The following TMEM168 variants were observed in gnomAD, a reference collection of about 807,000 sequenced individuals.
TMEM168 encodes transmembrane protein 168.
In TMEM168, 40 loss-of-function variants were observed where a neutral mutation model predicts 53.2. The ratio of observed to expected loss-of-function variants is 0.75; its 90% CI spans 0.58 to 0.98. The LOEUF (loss-of-function observed/expected upper bound fraction) is 0.98, where lower values mean the gene tolerates loss of function less well. Ranked by LOEUF, TMEM168 falls within the 50% of genes least tolerant of loss-of-function variation. The pLI, the probability that TMEM168 is intolerant of heterozygous loss-of-function variation, is 0.00. For missense variants in TMEM168, 771 were observed against 828.8 expected, an observed-to-expected ratio of 0.93 and a Z score of 0.86; for synonymous variants, 282 against 293.0, an observed-to-expected ratio of 0.96 and a Z score of 0.38.
At chr7:112,769,300 A>AT (rs1366758719) in intron 4 of TMEM168, among the ~76,000 whole-genome samples, 1 of 152,208 alleles carries the variant, frequency 6.6e-6, no homozygotes, top group Non-Finnish European at 1.5e-5. Context: ...TTGTCTCCAC[A>AT]TATTACTAAT....
intron 2 of TMEM168, among the ~76,000 whole-genome samples, chr7:112,776,021 G>A (rs1793072881): frequency 6.6e-6 from 1 of 151,524 alleles, no homozygotes; most frequent in Non-Finnish European, 1.5e-5. Flanking sequence ...ACTCATTTAA[G>A]TGAAAAGAAA....
Position 112,775,167 on chromosome 7 carries a change from T to C in TMEM168, c.1271+9A>G, listed in dbSNP as rs1227440055. The C allele has an allele frequency of 6.2e-7, 1 of 1,601,642 alleles. No individual in the cohort carries two copies. ...AATAGTTATCACTAACTATACTAGATTACTGTACCTGCAGAAGTTGGTGGG... is the reference window on the plus strand; with the variant it reads ...AATAGTTATCACTAACTATACTAGACTACTGTACCTGCAGAAGTTGGTGGG... On this transcript the variant is annotated intron_variant, in intron 3 of 4. Transcript: ENST00000312814.
chr7:112,765,720 TTAAA>T lies in TMEM168; in HGVS notation c.*1473_*1476del, dbSNP rs201985114. On this transcript the variant is annotated 3_prime_UTR_variant, in exon 5 of 5. Coordinates refer to ENST00000312814, the MANE Select transcript of TMEM168 (RefSeq NM_022484.6). ...TAAAATATTCAATATTTGCACATCA[TTAAA>T]TAAAAAATTAATTTTTAACAAAATT... 8.3e-4 allele frequency: 126 copies of T among 152,700 alleles called. No homozygotes were observed. Among genetic ancestry groups the T allele is most frequent in the African/African-American group, 2.9e-3 (122 of 41,578 alleles). 9.5% of individuals were successfully genotyped at this position (152,700 alleles called of 1,614,324 possible).
In TMEM168 at chr7:112,773,727, T is replaced by G. The variant is rs139890037; in HGVS notation, c.1272-672A>C. Among the ~76,000 whole-genome samples, 609 of 152,182 alleles carry G rather than the reference T, an allele frequency of 4.0e-3. 2 individuals are homozygous for G. The highest frequency in any genetic ancestry group is 6.9e-3 in the Non-Finnish European group (471 of 67,950). On this transcript the variant is annotated intron_variant, in intron 3 of 4. Coordinates refer to ENST00000312814, the MANE Select transcript of TMEM168 (RefSeq NM_022484.6). ...ATAACTAGCAAAATACCATTAATAT[T>G]GAGAAAGAAAAAATCATCATTCCTA...
At chr7:112,773,904 C>T (rs1224366723) in intron 3 of TMEM168, among the ~76,000 whole-genome samples, 1 of 152,090 alleles carries the variant, frequency 6.6e-6, no homozygotes, top group Non-Finnish European at 1.5e-5. Flanking sequence ...TCTAACTGTG[C>T]ATATTACTAT....
At position 112,773,670 on chromosome 7, in the gene TMEM168, T is replaced by C. The variant is rs367779740; in HGVS notation, c.1272-615A>G. Among the ~76,000 whole-genome samples, 12 of 152,230 alleles carry C rather than the reference T, an allele frequency of 7.9e-5. No homozygotes were observed. The South Asian group carries it at 2.1e-3, about 26-fold the overall frequency. On this transcript the variant is annotated intron_variant, in intron 3 of 4. Transcript: ENST00000312814. Reference sequence around the variant, plus strand: ...TACTCCTAGAACAAATATAAAATGGTACTCTAGTACAAAGATGATAAAGCA... The same window carrying C: ...TACTCCTAGAACAAATATAAAATGGCACTCTAGTACAAAGATGATAAAGCA...
chr7:112,767,835 ACT>A, intron 4 of TMEM168, 91 bp from the exon 5 acceptor site: 2 of 1,173,428 alleles, frequency 1.7e-6, no homozygotes, highest in Non-Finnish European at 2.4e-6. Flanking sequence ...GAGAGAAAAT[ACT>A]CTTGTTATAC....
Position 112,768,800 on chromosome 7 carries a change from G to T in TMEM168, c.1547-1056C>A, listed in dbSNP as rs564993520. 6.1e-4 allele frequency among the ~76,000 whole-genome samples: 93 copies of T among 151,604 alleles called. 2 individuals are homozygous for T. In the South Asian group the frequency reaches 7.1e-3, roughly 12 times the overall value. ...TATCTTAAGGAAAGAACAGACATAG[G>T]GACAAAAAATTACAAAAAAAGACGA... is the stretch of plus-strand genomic sequence containing the variant. On this transcript the variant is annotated intron_variant, in intron 4 of 4. Transcript: ENST00000312814.
Position 112,767,032 on chromosome 7 carries a change from C to T in TMEM168, c.*165G>A, listed in dbSNP as rs1792797341. The T allele has an allele frequency of 3.0e-6, 2 of 670,976 alleles. No homozygotes were observed. The highest frequency in any genetic ancestry group is 2.8e-5 in the East Asian group (1 of 35,470). The allele number at this position is 670,976 out of a possible 1,614,324, so 41.6% of individuals were successfully genotyped here. On this transcript the variant is annotated 3_prime_UTR_variant, in exon 5 of 5. Coordinates refer to ENST00000312814, the MANE Select transcript of TMEM168 (RefSeq NM_022484.6). ...TACTTTCATTATAAAATGTTTTTTC[C>T]CAACGCCTTATATATACCATAATTA... is the stretch of plus-strand genomic sequence containing the variant.
At chr7:112,773,651 T>G (rs970930880) in intron 3 of TMEM168, among the ~76,000 whole-genome samples, 18 of 152,204 alleles carry the variant, frequency 1.2e-4, no homozygotes, top group African/African-American at 3.8e-4. Context: ...GATTTACTCC[T>G]AGAACAAATA....
At chr7:112,783,159 A>T (rs184031756) in intron 2 of TMEM168, among the ~76,000 whole-genome samples, 4 of 152,362 alleles carry the variant, frequency 2.6e-5, no homozygotes, top group African/African-American at 4.8e-5. Flanking sequence ...TTTCTTTCTT[A>T]GGATAACCTC....
At chr7:112,773,353 A>G (rs1446783847) in intron 3 of TMEM168, among the ~76,000 whole-genome samples, 1 of 152,144 alleles carries the variant, frequency 6.6e-6, no homozygotes, top group Non-Finnish European at 1.5e-5. Flanking sequence ...TTCTTACATG[A>G]CAAATATTGG....
rs1411376113 is a variant in TMEM168 at position 112,762,739 on chromosome 7, A to T, written c.*4458T>A. The stretch of plus-strand genomic sequence containing the variant: ...GCCCACAGTTTTCAATTTTCAGTCA[A>T]CTTTGGTCTAAGTAATAATAACAAT... On this transcript the variant is annotated 3_prime_UTR_variant, in exon 5 of 5. Transcript: ENST00000312814. The T allele has an allele frequency of 1.3e-5, 2 of 152,220 alleles. No individual in the cohort carries two copies. The highest frequency in any genetic ancestry group is 3.9e-4 in the East Asian group (2 of 5,190). 9.4% of individuals were successfully genotyped at this position (152,220 alleles called of 1,614,324 possible).
intron 1 of TMEM168, among the ~76,000 whole-genome samples, chr7:112,787,371 A>C (rs1207837041): frequency 6.8e-6 from 1 of 146,310 alleles, no homozygotes; most frequent in Non-Finnish European, 1.5e-5. Flanking sequence ...TATCCTGCAT[A>C]TTCTTTTTTG....
intron 4 of TMEM168, 100 bp from the exon 5 acceptor site, chr7:112,767,844 ATACATGTATTTTC>A: frequency 9.4e-7 from 1 of 1,058,378 alleles, no homozygotes; most frequent in Non-Finnish European, 1.3e-6. Context: ...TACTCTTGTT[ATACATGTATTTTC>A]CTTAAGTTCT....
intron 1 of TMEM168, among the ~76,000 whole-genome samples, chr7:112,785,403 C>T (rs1488809035): frequency 2.6e-5 from 4 of 152,206 alleles, no homozygotes; most frequent in African/African-American, 4.8e-5. Context: ...GCAACCATTA[C>T]GACCTGCCAA....
At chr7:112,786,085 G>A (rs1205962450) in intron 1 of TMEM168, among the ~76,000 whole-genome samples, 2 of 152,148 alleles carry the variant, frequency 1.3e-5, no homozygotes, top group African/African-American at 4.8e-5. Context: ...GGAGGCATCT[G>A]TAATGCCTCA....
At chr7:112,773,119 C>CTGAT (rs1335280957) in intron 3 of TMEM168, 64 bp from the exon 4 acceptor site, 26 of 1,481,408 alleles carry the variant, frequency 1.8e-5, no homozygotes, top group Non-Finnish European at 2.2e-5. Flanking sequence ...TCATTTGTAA[C>CTGAT]TGATTATCTA....
At chr7:112,768,731 G>A (rs1310528851) in intron 4 of TMEM168, among the ~76,000 whole-genome samples, 2 of 152,008 alleles carry the variant, frequency 1.3e-5, no homozygotes, top group African/African-American at 4.8e-5. Flanking sequence ...ATCTGGCCCT[G>A]TCTCAATGGT....
Sources: allele counts gnomAD v4.1 joint callset (sites outside exome capture counted in the v4.1 genomes callset), GRCh38; gene constraint gnomAD v4.1.1; transcripts MANE v1.5; gene names NCBI Gene and HGNC (gene_info 2026-07-23, HGNC 2026-07-21).